PDE9A: variants seen among roughly 807,000 people sequenced by gnomAD.
PDE9A encodes phosphodiesterase 9A.
A neutral mutation model predicts 87.4 loss-of-function variants in PDE9A; 60 were observed. The observed-to-expected ratio is 0.69, with a 90% CI of 0.56 to 0.85. The LOEUF (loss-of-function observed/expected upper bound fraction) is 0.85, where lower values mean the gene tolerates loss of function less well. Among genes scored for constraint, PDE9A ranks in the 40% least tolerant of loss-of-function variants. The probability of loss-of-function intolerance (pLI) is 0.00; values close to 1 mark genes in which losing one functional copy is unlikely to be tolerated. For missense variants in PDE9A, 665 were observed against 779.0 expected, an observed-to-expected ratio of 0.85 and a Z score of 1.74; for synonymous variants, 272 against 279.4, an observed-to-expected ratio of 0.97 and a Z score of 0.27.
At chr21:42,754,523 G>A (rs1197125615) in intron 10 of PDE9A, among the ~76,000 whole-genome samples, 2 of 152,266 alleles carry the variant, frequency 1.3e-5, no homozygotes, top group Non-Finnish European at 2.9e-5. Context: ...CCCCAGATAA[G>A]TGGACATGTG....
At chr21:42,754,087 C>A (rs763137990) in intron 10 of PDE9A, 23 bp downstream of exon 10, 22 of 1,556,350 alleles carry the variant, frequency 1.4e-5, no homozygotes, top group Non-Finnish European at 1.9e-5. Context: ...CTTGCAGGCA[C>A]CACGTCCCAG....
At chr21:42,761,520 C>T (rs554087282) in intron 13 of PDE9A, among the ~76,000 whole-genome samples, 14 of 152,318 alleles carry the variant, frequency 9.2e-5, no homozygotes, top group African/African-American at 2.9e-4. Flanking sequence ...TCCTCAGTGG[C>T]GCAGCAGCTC....
At chr21:42,680,572 C>T (rs545868535) in intron 1 of PDE9A, among the ~76,000 whole-genome samples, 12 of 152,234 alleles carry the variant, frequency 7.9e-5, no homozygotes, top group Non-Finnish European at 7.3e-5. Context: ...ACCAGAGCCC[C>T]GGGTCCCCTG....
intron 7 of PDE9A, among the ~76,000 whole-genome samples, chr21:42,735,928 G>A (rs2052362200): frequency 6.6e-6 from 1 of 152,188 alleles, no homozygotes; most frequent in Non-Finnish European, 1.5e-5. Context: ...CCATGTCGCA[G>A]GGAATTCTCC....
chr21:42,712,373 G>C (rs79527714), intron 4 of PDE9A, among the ~76,000 whole-genome samples: 4,205 of 152,162 alleles, frequency 0.028, 186 homozygotes, highest in African/African-American at 0.094. Context: ...GTTGGCGTTG[G>C]ATCCTGTGAA....
intron 1 of PDE9A, among the ~76,000 whole-genome samples, chr21:42,679,887 C>T (rs561878156): frequency 7.2e-5 from 11 of 152,316 alleles, no homozygotes; most frequent in Non-Finnish European, 1.6e-4. Flanking sequence ...GTGTGCCAGT[C>T]AAGATGCTTC....
Position 42,725,287 on chromosome 21 carries a change from G to T in PDE9A, c.263-6483G>T, listed in dbSNP as rs1035651951. On this transcript the variant is annotated intron_variant, in intron 4 of 19. Coordinates refer to ENST00000291539, the MANE Select transcript of PDE9A (RefSeq NM_002606.3). ...AGTTTCGCTCTTGTTGCCCAGGCTG[G>T]AGTGCAATGGCACAATCTCGGCTCA... 9.9e-5 allele frequency among the ~76,000 whole-genome samples: 15 copies of T among 151,956 alleles called. No homozygotes were observed. In the South Asian group the frequency reaches 1.3e-3, roughly 13 times the overall value.
At position 42,722,015 on chromosome 21, in the gene PDE9A, C is replaced by T. The variant is rs139085849; in HGVS notation, c.263-9755C>T. Among the ~76,000 whole-genome samples, 1,322 of 150,630 alleles carry T rather than the reference C, an allele frequency of 8.8e-3. 12 individuals carry two copies. The highest frequency in any genetic ancestry group is 0.031 in the African/African-American group (1,259 of 40,890). Reference sequence around the variant, plus strand: ...TTTTTGAGATGGAATCTTGCTCTGTCACCAGGCTGGAGTGCAGTGGCACAA... The same window carrying T: ...TTTTTGAGATGGAATCTTGCTCTGTTACCAGGCTGGAGTGCAGTGGCACAA... On this transcript the variant is annotated intron_variant, in intron 4 of 19. Transcript: ENST00000291539. The surrounding 1 kb of genome is among the most constrained non-coding windows in gnomAD (Gnocchi z 4.1).
intron 4 of PDE9A, among the ~76,000 whole-genome samples, chr21:42,726,019 G>A (rs2050996251): frequency 1.3e-5 from 2 of 152,176 alleles, no homozygotes; most frequent in Non-Finnish European, 2.9e-5. Flanking sequence ...TTTGATAGGT[G>A]TGCAGTGGTG....
chr21:42,655,530 G>A (rs2056993225), intron 1 of PDE9A, among the ~76,000 whole-genome samples: 1 of 152,186 alleles, frequency 6.6e-6, no homozygotes, highest in African/African-American at 2.4e-5. Context: ...GGGCCCTGGG[G>A]AAGACATGGC....
rs541766821 is a variant in PDE9A at position 42,657,359 on chromosome 21, G to A, written c.69+3476G>A. Among the ~76,000 whole-genome samples the A allele has an allele frequency of 1.4e-4, 21 of 152,314 alleles. No individual in the cohort carries two copies. In the East Asian group the frequency reaches 3.9e-3, roughly 28 times the overall value. On this transcript the variant is annotated intron_variant, in intron 1 of 19. Transcript: ENST00000291539. The stretch of plus-strand genomic sequence containing the variant: ...CAACCCCGTGTCTAGACCCTCAGGT[G>A]GGCTGTTAAAGAAGGGGAGAGGTGG...
chr21:42,773,897 G>A (rs2057273678), intron 19 of PDE9A, among the ~76,000 whole-genome samples: 1 of 151,268 alleles, frequency 6.6e-6, no homozygotes, highest in Non-Finnish European at 1.5e-5. Context: ...AAGGTCAGGA[G>A]ATCGAGACCA....
Position 42,770,733 on chromosome 21 carries a change from CA to C in PDE9A, c.1622del (p.Gln541ArgfsTer13). On this transcript the variant is annotated frameshift_variant, in exon 18 of 20. Transcript: ENST00000291539. LOFTEE classifies it high-confidence loss of function. ...LFPMVEEIML[Q>X]PLWESRDRYE... ...CCCCATGGTTGAGGAGATCATGCTG[CA>C]GCCACTTTGGGAATCCCGAGATCGC... 6.2e-7 allele frequency: 1 copy of C among 1,614,062 alleles called. No individual in the cohort carries two copies. Among genetic ancestry groups the C allele is most frequent in the Non-Finnish European group, 8.5e-7 (1 of 1,179,896 alleles).
chr21:42,774,503 C>G (rs1216387819), intron 19 of PDE9A, among the ~76,000 whole-genome samples: 1 of 152,182 alleles, frequency 6.6e-6, no homozygotes, highest in African/African-American at 2.4e-5. Flanking sequence ...TCATATTTTT[C>G]AGTGGGTCAG....
intron 4 of PDE9A, among the ~76,000 whole-genome samples, chr21:42,706,787 C>T (rs1165883222): frequency 6.6e-6 from 1 of 151,912 alleles, no homozygotes; most frequent in African/African-American, 2.4e-5. Flanking sequence ...CCATCCCCTT[C>T]ACCCCCCAGC....
At chr21:42,744,832 G>A (rs1277680673) in intron 8 of PDE9A, among the ~76,000 whole-genome samples, 1 of 152,246 alleles carries the variant, frequency 6.6e-6, no homozygotes, top group Non-Finnish European at 1.5e-5. Flanking sequence ...CGGTGATGAT[G>A]AGCAGAGCGC....
At chr21:42,687,104 A>G (rs2839572) in intron 2 of PDE9A, among the ~76,000 whole-genome samples, 18,895 of 152,256 alleles carry the variant, frequency 0.12, 1,312 homozygotes, top group Middle Eastern at 0.2. Context: ...ATTATCAGCA[A>G]ACTTTCCAAA....
chr21:42,765,643 TCTTA>T (rs2056319579), intron 15 of PDE9A, 149 bp downstream of exon 15: 1 of 671,368 alleles, frequency 1.5e-6, no homozygotes, highest in Admixed American at 2.2e-5. Context: ...AGGTCATGAC[TCTTA>T]CTAGGAAAGT....
At chr21:42,688,930 C>G (rs2059631037) in intron 3 of PDE9A, among the ~76,000 whole-genome samples, 1 of 150,854 alleles carries the variant, frequency 6.6e-6, no homozygotes, top group African/African-American at 2.4e-5. Context: ...GTGAGGCCCC[C>G]CAGTGGACGT....
Sources: allele counts gnomAD v4.1 joint callset (sites outside exome capture counted in the v4.1 genomes callset), GRCh38; gene constraint gnomAD v4.1.1; non-coding constraint Gnocchi (gnomAD v3.1); transcripts MANE v1.5; gene names NCBI Gene and HGNC (gene_info 2026-07-23, HGNC 2026-07-21).